Variants in DMRT1 observed in about 807,000 individuals in gnomAD.
DMRT1 encodes doublesex- and mab-3-related transcription factor 1.
In DMRT1, 7 loss-of-function variants were observed where a neutral mutation model predicts 32.3. The ratio of observed to expected loss-of-function variants is 0.22; its 90% CI spans 0.12 to 0.41. The LOEUF (loss-of-function observed/expected upper bound fraction) is 0.41. Among genes scored for constraint, DMRT1 ranks in the 10% least tolerant of loss-of-function variants. The pLI, the probability that DMRT1 is intolerant of heterozygous loss-of-function variation, is 1.00. For missense variants in DMRT1, 625 were observed against 500.5 expected, an observed-to-expected ratio of 1.25 and a Z score of -2.37; for synonymous variants, 278 against 206.1, an observed-to-expected ratio of 1.35 and a Z score of -2.99.
chr9:885,789 A>G (rs1342584701), intron 2 of DMRT1, among the ~76,000 whole-genome samples: 1 of 152,052 alleles, frequency 6.6e-6, no homozygotes, highest in Non-Finnish European at 1.5e-5. Flanking sequence ...GACCACGCCC[A>G]CCTCTACCCA....
At chr9:948,943 A>AAT (rs1349698370) in intron 4 of DMRT1, among the ~76,000 whole-genome samples, 2 of 147,720 alleles carry the variant, frequency 1.4e-5, no homozygotes, top group South Asian at 2.2e-4. Flanking sequence ...TAATAATAAT[A>AAT]ATAGCCGGGC....
In DMRT1 at chr9:841,903, T is replaced by A. The variant is rs1219457811; in HGVS notation, c.65T>A (p.Val22Glu). The part of the protein sequence containing the change: ...TPSEAPHAPG[V>E]PPQGRAGGFG... ...TCGGAAGCCCCTCACGCCCCCGGGG[T>A]ACCGCCGCAGGGCAGAGCCGGGGGC... The change falls in exon 1 of 5, where the codon GTA (valine) becomes GAA (glutamate). Residue 22 changes from valine to glutamate, a missense_variant. Around this residue, in one of 3 missense-constraint regions of DMRT1, gnomAD observed 201 missense variants for 152.0 expected, o/e 1.32. Coordinates refer to ENST00000382276, the MANE Select transcript of DMRT1 (RefSeq NM_021951.3). 6.2e-7 allele frequency: 1 copy of A among 1,611,018 alleles called. No individual in the cohort carries two copies.
intron 2 of DMRT1, among the ~76,000 whole-genome samples, chr9:866,584 A>G (rs2132595491): frequency 6.6e-6 from 1 of 152,368 alleles, no homozygotes; most frequent in African/African-American, 2.4e-5. Context: ...CATTAGGGGC[A>G]AACCAGAAAG....
chr9:934,579 C>A (rs1818826181), intron 4 of DMRT1, among the ~76,000 whole-genome samples: 1 of 152,172 alleles, frequency 6.6e-6, no homozygotes, highest in East Asian at 1.9e-4. Context: ...ATTGCCAAAT[C>A]TGTGTCATAT....
intron 2 of DMRT1, among the ~76,000 whole-genome samples, chr9:878,883 A>G (rs889506410): frequency 1.3e-5 from 2 of 152,206 alleles, no homozygotes; most frequent in Non-Finnish European, 2.9e-5. Context: ...CAAAACGTAT[A>G]TAACTTGCCC....
chr9:858,188 A>G (rs917565253), intron 2 of DMRT1, among the ~76,000 whole-genome samples: 22 of 152,194 alleles, frequency 1.4e-4, no homozygotes, highest in Non-Finnish European at 2.8e-4. Context: ...GTGAAAATGG[A>G]CAGCTGTCCT....
At chr9:953,283 A>G (rs1819488885) in intron 4 of DMRT1, among the ~76,000 whole-genome samples, 2 of 152,150 alleles carry the variant, frequency 1.3e-5, no homozygotes, top group South Asian at 4.1e-4. Flanking sequence ...TATGGAGAAA[A>G]AAAAAAGTCT....
intron 1 of DMRT1, among the ~76,000 whole-genome samples, chr9:843,708 A>G (rs1402428798): frequency 6.6e-6 from 1 of 152,252 alleles, no homozygotes; most frequent in Non-Finnish European, 1.5e-5. Flanking sequence ...AAAGATAACG[A>G]AGAAATGTTT....
intron 1 of DMRT1, among the ~76,000 whole-genome samples, chr9:845,994 C>T (rs890880744): frequency 4.7e-5 from 7 of 148,906 alleles, no homozygotes; most frequent in African/African-American, 1.7e-4. Flanking sequence ...CTCAGTTTGC[C>T]TTTTGTTGTA....
intron 4 of DMRT1, among the ~76,000 whole-genome samples, chr9:947,829 A>G (rs888215231): frequency 2.0e-5 from 3 of 152,120 alleles, no homozygotes; most frequent in Non-Finnish European, 2.9e-5. Context: ...TTATTATTGT[A>G]CTACTAACCA....
chr9:861,891 C>T (rs1815709066), intron 2 of DMRT1, among the ~76,000 whole-genome samples: 1 of 150,434 alleles, frequency 6.6e-6, no homozygotes. Context: ...AGGCACTCTT[C>T]ACATCCCAGA....
intron 2 of DMRT1, among the ~76,000 whole-genome samples, chr9:855,168 CAGAT>C (rs1294712705): frequency 6.6e-6 from 1 of 152,064 alleles, no homozygotes; most frequent in East Asian, 1.9e-4. Context: ...TTTAATTGGT[CAGAT>C]AGAAACTTTC....
At chr9:942,291 T>G (rs1819100286) in intron 4 of DMRT1, among the ~76,000 whole-genome samples, 1 of 152,222 alleles carries the variant, frequency 6.6e-6, no homozygotes, top group African/African-American at 2.4e-5. Context: ...CCTTTTTATT[T>G]GAGTCAGGGT....
chr9:907,537 T>G (rs892459490), intron 3 of DMRT1, among the ~76,000 whole-genome samples: 3 of 152,200 alleles, frequency 2.0e-5, no homozygotes, highest in Non-Finnish European at 4.4e-5. Context: ...GGAAACATTT[T>G]TTAAAATTTG....
At chr9:900,071 A>G (rs1408521763) in intron 3 of DMRT1, among the ~76,000 whole-genome samples, 5 of 152,232 alleles carry the variant, frequency 3.3e-5, no homozygotes, top group African/African-American at 1.2e-4. Flanking sequence ...CTGGGGATCT[A>G]CCACTGAACA....
intron 2 of DMRT1, among the ~76,000 whole-genome samples, chr9:871,585 C>T (rs575064040): frequency 6.8e-6 from 1 of 146,676 alleles, no homozygotes; most frequent in East Asian, 2.0e-4. Flanking sequence ...TCGTGATCCG[C>T]CCGCCTCTGC....
intron 4 of DMRT1, among the ~76,000 whole-genome samples, chr9:921,326 G>C (rs4455908): frequency 0.61 from 93,057 of 152,076 alleles, 29,366 homozygotes; most frequent in South Asian, 0.71. Context: ...TATTTCATTC[G>C]TTTTTGTGGC....
chr9:893,788 T>C (rs1817242436), intron 2 of DMRT1, 124 bp from the exon 3 acceptor site: 6 of 860,062 alleles, frequency 7.0e-6, no homozygotes, highest in Non-Finnish European at 9.4e-6. Flanking sequence ...AAGCAACAGA[T>C]GGTTTTGTCT....
rs117106117 is a variant in DMRT1 at position 899,234 on chromosome 9, T to C, written c.822+5039T>C. On this transcript the variant is annotated intron_variant, in intron 3 of 4. Transcript: ENST00000382276. ...TTGTATTAAAACCAACAACTCCTTT[T>C]TGATTCCTAGAAAAAAAAAACTGAC... Among the ~76,000 whole-genome samples, 42 of 152,314 alleles carry C rather than the reference T, an allele frequency of 2.8e-4. No homozygotes were observed. The East Asian group carries it at 5.4e-3, about 20-fold the overall frequency.
Sources: allele counts gnomAD v4.1 joint callset (sites outside exome capture counted in the v4.1 genomes callset), GRCh38; gene constraint gnomAD v4.1.1; regional missense constraint gnomAD v4.1.1; transcripts MANE v1.5; gene names NCBI Gene and HGNC (gene_info 2026-07-23, HGNC 2026-07-21).